RGR: variants seen among roughly 807,000 people sequenced by gnomAD.
RGR encodes the protein retinal G protein coupled receptor.
RGR carries 30 observed loss-of-function variants against 28.6 expected under a neutral mutation model. The observed-to-expected ratio is 1.05, with a 90% CI of 0.78 to 1.42. The LOEUF (loss-of-function observed/expected upper bound fraction) is 1.42. RGR is among the 40% of genes most tolerant of loss of function. RGR has a pLI of 0.00. For missense variants in RGR, 404 were observed against 375.6 expected, an observed-to-expected ratio of 1.08 and a Z score of -0.62; for synonymous variants, 180 against 156.4, an observed-to-expected ratio of 1.15 and a Z score of -1.13.
At chr10:84,251,539 T>C (rs1842818691) in intron 3 of RGR, among the ~76,000 whole-genome samples, 1 of 152,224 alleles carries the variant, frequency 6.6e-6, no homozygotes, top group Admixed American at 6.5e-5. Flanking sequence ...ATTGTCACTC[T>C]TGTGTTCCTT....
In RGR at chr10:84,255,713, T is replaced by TC. The variant is rs1842874990; in HGVS notation, c.630+1271dup. Among the ~76,000 whole-genome samples the TC allele has an allele frequency of 1.5e-5, 2 of 129,632 alleles. 1 individual carries two copies. The highest frequency in any genetic ancestry group is 6.9e-5 in the African/African-American group (2 of 28,840). The allele number at this position is 129,632 out of a possible 152,430, so 85.0% of individuals were successfully genotyped here. On this transcript the variant is annotated intron_variant, in intron 5 of 6. Coordinates refer to ENST00000652092, the MANE Select transcript of RGR (RefSeq NM_001012720.2). ...AACCACTCTATGAGGAAAGAGGTTT[T>TC]CTTTCTTTTTTTTTTTTTTTTTTTT... is the stretch of plus-strand genomic sequence containing the variant.
intron 5 of RGR, among the ~76,000 whole-genome samples, chr10:84,257,091 T>TCAC (rs1842897885): frequency 1.3e-5 from 2 of 152,224 alleles, no homozygotes; most frequent in Admixed American, 6.5e-5. Context: ...TCCAGCTTAA[T>TCAC]CACCCTCTTT....
In RGR at chr10:84,247,694, G is replaced by T; in HGVS notation, c.183G>T (p.Ala61=). 3.1e-6 allele frequency: 5 copies of T among 1,614,164 alleles called. No homozygotes were observed. Among genetic ancestry groups the T allele is most frequent in the Non-Finnish European group, 3.4e-6 (4 of 1,180,040 alleles). The change falls in exon 2 of 7, where the codon GCG becomes GCT. Residue 61 remains alanine (A), a synonymous_variant. Transcript: ENST00000652092. ...TACTGGTGCTGAGCTTGGCTCTTGC[G>T]GACAGTGGGATCAGCCTGAATGCCC... The part of the protein sequence containing the change: ...CHLLVLSLAL[A]DSGISLNALV...
intron 4 of RGR, 121 bp from the exon 5 acceptor site, chr10:84,254,205 G>C: frequency 1.1e-6 from 1 of 875,614 alleles, no homozygotes; most frequent in Non-Finnish European, 1.9e-6. Context: ...ACCACACTGC[G>C]AGCTTGTCTG....
rs746606742 is a variant in RGR at position 84,252,988 on chromosome 10, C to T, written c.490C>T (p.Leu164=). 2 of 1,613,820 alleles carry T rather than the reference C, an allele frequency of 1.2e-6. No homozygotes were observed. Among genetic ancestry groups the T allele is most frequent in the East Asian group, 4.5e-5 (2 of 44,878 alleles). ...DYEPLGTCCT[L]DYSKGDRNFT... ...TGAGCCACTGGGGACATGCTGCACC[C>T]TGGACTACTCCAAGGGGGACAGGTG... Residue 164 remains leucine (L), a synonymous_variant, in exon 4 of 7, where the codon CTG becomes TTG. Coordinates refer to ENST00000652092, the MANE Select transcript of RGR (RefSeq NM_001012720.2).
intron 6 of RGR, 86 bp from the exon 7 acceptor site, chr10:84,258,422 T>C: frequency 6.2e-7 from 1 of 1,601,842 alleles, no homozygotes; most frequent in Non-Finnish European, 8.5e-7. Context: ...CAGTTGTAGG[T>C]GGAGGGTGAC....
chr10:84,257,657 C>T (rs758114502), intron 5 of RGR, among the ~76,000 whole-genome samples: 2 of 152,182 alleles, frequency 1.3e-5, no homozygotes, highest in Admixed American at 6.5e-5. Context: ...ATTGTCAGGC[C>T]ATTTTACAGA....
intron 2 of RGR, 37 bp from the exon 3 acceptor site, chr10:84,248,885 C>A: frequency 5.0e-6 from 8 of 1,614,152 alleles, no homozygotes; most frequent in East Asian, 2.2e-5. Context: ...TGGAAAGGAT[C>A]GGAGGAGAGG....
Position 84,258,654 on chromosome 10 carries a change from A to G in RGR, c.*15A>G. The G allele has an allele frequency of 1.9e-6, 3 of 1,613,936 alleles. No individual in the cohort carries two copies. The highest frequency in any genetic ancestry group is 2.5e-6 in the Non-Finnish European group (3 of 1,179,926). On this transcript the variant is annotated 3_prime_UTR_variant, in exon 7 of 7. Coordinates refer to ENST00000652092, the MANE Select transcript of RGR (RefSeq NM_001012720.2). ...GAACCAAGTGAGCCTGCCACCCTGG[A>G]GTGAGCCCCAGGCCAGGAGGCTGTT...
chr10:84,248,598 T>G (rs781176540), intron 2 of RGR: 16 of 453,460 alleles, frequency 3.5e-5, no homozygotes, highest in Admixed American at 7.0e-5. Context: ...CTTCAGTATC[T>G]TTGCCTCTTT....
At position 84,247,738 on chromosome 10, in the gene RGR, G is replaced by A; in HGVS notation, c.227G>A (p.Ser76Asn). The A allele has an allele frequency of 6.2e-7, 1 of 1,614,164 alleles. No individual in the cohort carries two copies. The change falls in exon 2 of 7, where the codon AGC (serine) becomes AAC (asparagine). Residue 76 changes from serine (S) to asparagine (N), a missense_variant. Transcript: ENST00000652092. The part of the protein sequence containing the change: ...SLNALVAATS[S>N]LLRRWPYGSD... ...AATGCCCTCGTTGCAGCCACATCCA[G>A]CCTTCTCCGGTACCAGCCCCCTCCC...
At chr10:84,250,515 TATAC>T in intron 3 of RGR, 3 of 584,180 alleles carry the variant, frequency 5.1e-6, no homozygotes, top group South Asian at 3.3e-5. Flanking sequence ...TGGACCATCT[TATAC>T]ACACACACAC....
chr10:84,255,517 A>C (rs1411578446), intron 5 of RGR: 2 of 152,252 alleles, frequency 1.3e-5, no homozygotes, highest in African/African-American at 4.8e-5. Flanking sequence ...ACATTTGTCC[A>C]AGAAATACAA....
chr10:84,249,015 A>C lies in RGR; in HGVS notation c.330A>C (p.Ala110=), dbSNP rs138044637. Residue 110 remains alanine (A), a synonymous_variant, in exon 3 of 7, where the codon GCA becomes GCC. Coordinates refer to ENST00000652092, the MANE Select transcript of RGR (RefSeq NM_001012720.2). ...GCATCTGCAGCAGTGCAGCCATCGCATGGGGGCGTTATCACCACTACTGCA... is the reference window on the plus strand; with the variant it reads ...GCATCTGCAGCAGTGCAGCCATCGCCTGGGGGCGTTATCACCACTACTGCA... ...LASICSSAAI[A]WGRYHHYCTR... is the part of the protein sequence containing the mutation. The C allele has an allele frequency of 9.9e-6, 16 of 1,613,916 alleles. No individual in the cohort carries two copies. Among genetic ancestry groups the C allele is most frequent in the Admixed American group, 5.0e-5 (3 of 59,996 alleles).
intron 5 of RGR, among the ~76,000 whole-genome samples, 164 bp downstream of exon 5, chr10:84,254,607 G>A (rs983598036): frequency 2.6e-5 from 4 of 152,212 alleles, no homozygotes; most frequent in Non-Finnish European, 5.9e-5. Flanking sequence ...TCAGAGAGGG[G>A]AGGGTGGACC....
intron 5 of RGR, among the ~76,000 whole-genome samples, chr10:84,255,948 T>C (rs1463323044): frequency 6.6e-6 from 1 of 150,588 alleles, no homozygotes; most frequent in Non-Finnish European, 1.5e-5. Context: ...GGTTTCGAAC[T>C]CCTGATCTCA....
At chr10:84,257,801 G>T (rs1260808561) in intron 5 of RGR, 92 bp from the exon 6 acceptor site, 16 of 1,037,570 alleles carry the variant, frequency 1.5e-5, no homozygotes, top group Non-Finnish European at 2.2e-5. Flanking sequence ...ATGCTGCCCC[G>T]CCCTGCTGAG....
At chr10:84,247,789 C>T in intron 2 of RGR, 42 bp downstream of exon 2, 1 of 1,613,564 alleles carries the variant, frequency 6.2e-7, no homozygotes, top group Non-Finnish European at 8.5e-7. Flanking sequence ...GGGGTCCTGC[C>T]TGGGGCCTGA....
At chr10:84,248,697 C>T (rs1052156980) in intron 2 of RGR, 1 of 674,082 alleles carries the variant, frequency 1.5e-6, no homozygotes, top group Non-Finnish European at 2.6e-6. Flanking sequence ...TATGGCCCAA[C>T]CATGGTGCAG....
Sources: gnomAD v4.1 joint callset for allele counts (sites outside exome capture counted in the v4.1 genomes callset) on GRCh38, gnomAD v4.1.1 for gene constraint, MANE v1.5 for transcripts, NCBI Gene and HGNC (gene_info 2026-07-23, HGNC 2026-07-21) for gene names.